RPS6KC1: variants seen among roughly 807,000 people sequenced by gnomAD.
The protein encoded by RPS6KC1 is ribosomal protein S6 kinase C1, also known as inactive ribosomal protein S6 kinase delta-1.
In RPS6KC1, 54 loss-of-function variants were observed where a neutral mutation model predicts 103.8. That is an observed-to-expected ratio of 0.52 (90% CI 0.42 to 0.65). RPS6KC1 has a LOEUF of 0.65. Among genes scored for constraint, RPS6KC1 ranks in the 30% least tolerant of loss-of-function variants. The pLI is 0.00. For synonymous variants in RPS6KC1, 439 were observed against 438.7 expected (o/e 1.00, Z -0.01); for missense variants, 1,151 against 1,253.8 (o/e 0.92, Z 1.24).
At chr1:213,634,107 T>C in the RPS6KC1 span, among the ~76,000 whole-genome samples, 11 of 152,118 alleles carry the variant, frequency 7.2e-5, no homozygotes, top group African/African-American at 2.2e-4. Context: ...CAAAGAGACT[T>C]AGACTCCCAC....
chr1:213,485,521 C>G, the RPS6KC1 span, among the ~76,000 whole-genome samples: 1 of 152,104 alleles, frequency 6.6e-6, no homozygotes, highest in East Asian at 1.9e-4. Context: ...AGGGAAGAAC[C>G]ATATTTTCAT....
intron 7 of RPS6KC1, 39 bp from the exon 8 acceptor site, chr1:213,176,361 C>T (rs747169988): frequency 1.4e-6 from 2 of 1,418,644 alleles, no homozygotes; most frequent in Non-Finnish European, 9.8e-7. Context: ...CTTCAAGTAC[C>T]TCCCTGATTG....
the RPS6KC1 span, among the ~76,000 whole-genome samples, chr1:213,304,161 C>G: frequency 1.4e-5 from 2 of 147,224 alleles, no homozygotes; most frequent in Non-Finnish European, 3.0e-5. Context: ...AGCCGAGATC[C>G]CGCCACTGCA....
chr1:213,266,771 T>TCA (rs1022377620), intron 14 of RPS6KC1, among the ~76,000 whole-genome samples: 1 of 151,002 alleles, frequency 6.6e-6, no homozygotes, highest in African/African-American at 2.4e-5. Context: ...GTCGTGGTGG[T>TCA]GGGTGCCTGT....
Position 213,252,064 on chromosome 1 carries a change from T to C in RPS6KC1, c.2911+9406T>C, listed in dbSNP as rs183176780. Among the ~76,000 whole-genome samples the C allele has an allele frequency of 7.3e-4, 111 of 152,348 alleles. No individual in the cohort carries two copies. The East Asian group carries it at 0.011, about 15-fold the overall frequency. ...CCCACAGTTTAGTTCCATATATTGT[T>C]GGATACAAAAAATGCTTTCTTCTGT... On this transcript the variant is annotated intron_variant, in intron 12 of 14. Transcript: ENST00000366960.
the RPS6KC1 span, among the ~76,000 whole-genome samples, chr1:213,790,880 C>T: frequency 0.06 from 8,779 of 145,912 alleles, 353 homozygotes; most frequent in African/African-American, 0.12. Context: ...AATAAGGAAG[C>T]TCTGGGGATA....
chr1:213,284,631 T>C, the RPS6KC1 span, among the ~76,000 whole-genome samples: 10 of 6,646 alleles, frequency 1.5e-3, no homozygotes, highest in Non-Finnish European at 6.6e-3. Context: ...GTGCCAGATA[T>C]TGAAGTAGGC....
chr1:213,724,838 C>T, the RPS6KC1 span, among the ~76,000 whole-genome samples: 1 of 152,230 alleles, frequency 6.6e-6, no homozygotes, highest in East Asian at 1.9e-4. Context: ...AGGCACTGTG[C>T]TGTGCCTGCT....
At chr1:213,793,716 C>T in the RPS6KC1 span, among the ~76,000 whole-genome samples, 9 of 152,168 alleles carry the variant, frequency 5.9e-5, no homozygotes, top group African/African-American at 1.4e-4. Flanking sequence ...AGGCTCTGAA[C>T]GCCTCGCCAG....
intron 8 of RPS6KC1, among the ~76,000 whole-genome samples, chr1:213,223,375 C>G (rs1195393029): frequency 6.6e-6 from 1 of 152,110 alleles, no homozygotes. Flanking sequence ...ACAACCTTCC[C>G]TCCTGAGTCC....
chr1:213,583,081 C>G, the RPS6KC1 span, among the ~76,000 whole-genome samples: 1 of 152,184 alleles, frequency 6.6e-6, no homozygotes, highest in South Asian at 2.1e-4. Flanking sequence ...CTTGCCGTTG[C>G]GTGCATCACT....
chr1:213,296,072 T>G, the RPS6KC1 span, among the ~76,000 whole-genome samples: 2 of 152,242 alleles, frequency 1.3e-5, no homozygotes, highest in Non-Finnish European at 2.9e-5. Flanking sequence ...TTGAATCATT[T>G]GTAAAGTGCC....
the RPS6KC1 span, among the ~76,000 whole-genome samples, chr1:213,415,536 C>T: frequency 2.6e-5 from 4 of 152,216 alleles, no homozygotes; most frequent in Non-Finnish European, 4.4e-5. Context: ...CTGAAGGAAC[C>T]ATCCCTGCCC....
intron 8 of RPS6KC1, among the ~76,000 whole-genome samples, chr1:213,177,108 A>G (rs1054027029): frequency 2.6e-5 from 4 of 152,154 alleles, no homozygotes; most frequent in Non-Finnish European, 4.4e-5. Flanking sequence ...ACCCACATGC[A>G]TTTTAATTTT....
intron 6 of RPS6KC1, among the ~76,000 whole-genome samples, chr1:213,164,725 G>T (rs1270847326): frequency 1.3e-5 from 2 of 152,110 alleles, no homozygotes; most frequent in Non-Finnish European, 2.9e-5. Flanking sequence ...AACACGCCTG[G>T]CTGACTTTTG....
chr1:213,714,845 A>G, the RPS6KC1 span, among the ~76,000 whole-genome samples: 4 of 152,226 alleles, frequency 2.6e-5, no homozygotes, highest in Admixed American at 2.0e-4. Context: ...CAGTGCAGCC[A>G]TTCACAGGCT....
At chr1:213,491,728 A>C in the RPS6KC1 span, among the ~76,000 whole-genome samples, 1 of 152,164 alleles carries the variant, frequency 6.6e-6, no homozygotes, top group Non-Finnish European at 1.5e-5. Flanking sequence ...TGTACGGCAG[A>C]CACACCTGAA....
At chr1:213,368,999 C>T in the RPS6KC1 span, among the ~76,000 whole-genome samples, 4 of 151,666 alleles carry the variant, frequency 2.6e-5, no homozygotes, top group East Asian at 4.0e-4. Flanking sequence ...TCCACAGTTG[C>T]GTACTGTCTG....
At chr1:213,362,859 A>G in the RPS6KC1 span, among the ~76,000 whole-genome samples, 6 of 152,216 alleles carry the variant, frequency 3.9e-5, no homozygotes, top group African/African-American at 1.4e-4. Context: ...TCCCCAAGCA[A>G]GAGGGAGTTC....
Sources: allele counts gnomAD v4.1 joint callset (sites outside exome capture counted in the v4.1 genomes callset), GRCh38; gene constraint gnomAD v4.1.1; transcripts MANE v1.5; gene names NCBI Gene and HGNC (gene_info 2026-07-23, HGNC 2026-07-21).